TMEM108: variants seen among roughly 807,000 people sequenced by gnomAD.
TMEM108 encodes the protein cancer/testis antigen 124.
A neutral mutation model predicts 35.1 loss-of-function variants in TMEM108; 12 were observed. The observed-to-expected ratio is 0.34, with a 90% confidence interval of 0.22 to 0.55. The LOEUF (loss-of-function observed/expected upper bound fraction) is 0.55, where lower values mean the gene tolerates loss of function less well. TMEM108 is among the 20% of genes least tolerant of loss of function. The probability of loss-of-function intolerance (pLI) is 0.89; values close to 1 mark genes in which losing one functional copy is unlikely to be tolerated. For synonymous variants in TMEM108, 287 were observed against 308.6 expected (o/e 0.93, Z 0.73); for missense variants, 680 against 753.3 (o/e 0.90, Z 1.14).
At chr3:133,348,827 TAGA>T in intron 3 of TMEM108, among the ~76,000 whole-genome samples, 1 of 152,054 alleles carries the variant, frequency 6.6e-6, no homozygotes, top group Non-Finnish European at 1.5e-5. Flanking sequence ...CTACATAGTG[TAGA>T]AGATGAAATT....
rs534869712 is a variant in TMEM108, at chr3:133,309,489, G to A, written c.41-70263G>A. On this transcript the variant is annotated intron_variant, in intron 3 of 5. Coordinates refer to ENST00000321871, the MANE Select transcript of TMEM108 (RefSeq NM_023943.4). ...TTTTAGATCTTTCCTGCTTTCTCTT[G>A]TGTGCTTTTAGTGTTATAAATTTCC... 2.3e-3 allele frequency among the ~76,000 whole-genome samples: 345 copies of A among 152,044 alleles called. 1 individual carries two copies. The highest frequency in any genetic ancestry group is 7.8e-3 in the African/African-American group (323 of 41,472).
At chr3:133,091,415 G>A (rs1204446581) in intron 2 of TMEM108, among the ~76,000 whole-genome samples, 1 of 152,040 alleles carries the variant, frequency 6.6e-6, no homozygotes, top group Non-Finnish European at 1.5e-5. Flanking sequence ...CTAGATCAGT[G>A]GCTTTTATGT....
Position 133,114,346 on chromosome 3 carries a change from T to C in TMEM108, c.-47+68326T>C, listed in dbSNP as rs75528093. 2.3e-4 allele frequency among the ~76,000 whole-genome samples: 35 copies of C among 152,108 alleles called. No homozygotes were observed. In the East Asian group the frequency reaches 6.0e-3, roughly 26 times the overall value. ...TATGGCAAGTAGGAAATGAGGAGAG[T>C]ATATTTTATCCCACATCTCATCTTA... On this transcript the variant is annotated intron_variant, in intron 2 of 5. Coordinates refer to ENST00000321871, the MANE Select transcript of TMEM108 (RefSeq NM_023943.4).
chr3:133,057,174 A>G (rs1004886412), intron 2 of TMEM108, among the ~76,000 whole-genome samples: 1 of 152,022 alleles, frequency 6.6e-6, no homozygotes, highest in African/African-American at 2.4e-5. Flanking sequence ...TGTTCATTCT[A>G]TTTAAAACGT....
chr3:133,310,883 G>A (rs1160118508), intron 3 of TMEM108, among the ~76,000 whole-genome samples: 7 of 152,112 alleles, frequency 4.6e-5, no homozygotes, highest in Admixed American at 4.6e-4. Context: ...TCCATGTTTA[G>A]TGCTTCCTTC....
chr3:133,301,492 A>T (rs1049703274), intron 3 of TMEM108, among the ~76,000 whole-genome samples: 15 of 152,186 alleles, frequency 9.9e-5, no homozygotes, highest in Admixed American at 3.9e-4. Flanking sequence ...ATACTATATT[A>T]TGCCATTTTT....
At chr3:133,152,046 G>A (rs527300461) in intron 2 of TMEM108, among the ~76,000 whole-genome samples, 5 of 152,254 alleles carry the variant, frequency 3.3e-5, no homozygotes, top group South Asian at 4.1e-4. Context: ...TGAGACTTCC[G>A]TTGACCAAAA....
intron 3 of TMEM108, among the ~76,000 whole-genome samples, chr3:133,302,437 T>TTTC (rs1224546384): frequency 6.8e-6 from 1 of 147,046 alleles, no homozygotes; most frequent in Non-Finnish European, 1.5e-5. Context: ...TTTTTTTTTT[T>TTTC]TGAGACAGAA....
Position 133,340,977 on chromosome 3 carries a change from A to G in TMEM108, c.41-38775A>G, listed in dbSNP as rs539865363. ...TATCATACTGAATGGGGAAAAACTAAAAGACTTTCCTCTAAGATCTAGAAC... is the reference window on the plus strand; with the variant it reads ...TATCATACTGAATGGGGAAAAACTAGAAGACTTTCCTCTAAGATCTAGAAC... On this transcript the variant is annotated intron_variant, in intron 3 of 5. Coordinates refer to ENST00000321871, the MANE Select transcript of TMEM108 (RefSeq NM_023943.4). Among the ~76,000 whole-genome samples the G allele has an allele frequency of 6.6e-5, 10 of 151,970 alleles. No individual in the cohort carries two copies. In the South Asian group the frequency reaches 1.7e-3, roughly 25 times the overall value.
At chr3:133,078,383 C>T (rs942722301) in intron 2 of TMEM108, among the ~76,000 whole-genome samples, 11 of 152,058 alleles carry the variant, frequency 7.2e-5, no homozygotes, top group African/African-American at 2.2e-4. Flanking sequence ...AACAACTAGG[C>T]GGTGTCTGAT....
intron 2 of TMEM108, among the ~76,000 whole-genome samples, chr3:133,146,814 C>G (rs759252527): frequency 6.6e-6 from 1 of 152,084 alleles, no homozygotes; most frequent in Non-Finnish European, 1.5e-5. Context: ...GTTGATATCC[C>G]TTTTATCATT....
At chr3:133,039,955 T>TA (rs1943252969) in intron 1 of TMEM108, among the ~76,000 whole-genome samples, 1 of 149,552 alleles carries the variant, frequency 6.7e-6, no homozygotes, top group Admixed American at 6.6e-5. Flanking sequence ...GATAAATATA[T>TA]TTTTTTAAGA....
chr3:133,284,281 T>C (rs899022967), intron 3 of TMEM108, among the ~76,000 whole-genome samples: 1 of 152,236 alleles, frequency 6.6e-6, no homozygotes, highest in African/African-American at 2.4e-5. Flanking sequence ...GGTGGAATCA[T>C]GCTGGATTCT....
Position 133,129,358 on chromosome 3 carries a change from C to G in TMEM108, c.-47+83338C>G, listed in dbSNP as rs931493515. On this transcript the variant is annotated intron_variant, in intron 2 of 5. Transcript: ENST00000321871. ...AGACTCCGCACCCACACCCCCCCCC[C>G]CAAAAAAAAATAAACGAAACACTAA... 7.0e-5 allele frequency among the ~76,000 whole-genome samples: 9 copies of G among 128,916 alleles called. No individual in the cohort carries two copies. In the East Asian group the frequency reaches 1.5e-3, roughly 22 times the overall value. The allele number at this position is 128,916 out of a possible 152,430, so 84.6% of individuals were successfully genotyped here.
chr3:133,282,812 TAAAG>T (rs1415063780), intron 3 of TMEM108, among the ~76,000 whole-genome samples: 1 of 152,168 alleles, frequency 6.6e-6, no homozygotes, highest in Non-Finnish European at 1.5e-5. Flanking sequence ...TAAATGCTCA[TAAAG>T]AAAGAAATTA....
intron 2 of TMEM108, among the ~76,000 whole-genome samples, chr3:133,098,315 G>T (rs990755723): frequency 3.3e-5 from 5 of 152,162 alleles, no homozygotes; most frequent in Admixed American, 1.3e-4. Context: ...ATTCAAGAAA[G>T]TCCGGCCCCC....
rs1386356664 is a variant in TMEM108 at position 133,396,501 on chromosome 3, A to G, written c.*515A>G. ...AGGGAACATCTCATCACCTCTGAGG[A>G]TGAGTACCCTGGAGCCTTATGACGG... On this transcript the variant is annotated 3_prime_UTR_variant, in exon 6 of 6. Coordinates refer to ENST00000321871, the MANE Select transcript of TMEM108 (RefSeq NM_023943.4). The G allele has an allele frequency of 2.6e-5, 4 of 152,248 alleles. No homozygotes were observed. The highest frequency in any genetic ancestry group is 9.7e-5 in the African/African-American group (4 of 41,444). 9.4% of individuals were successfully genotyped at this position (152,248 alleles called of 1,614,324 possible).
chr3:133,328,170 G>T (rs958958976), intron 3 of TMEM108, among the ~76,000 whole-genome samples: 3 of 152,162 alleles, frequency 2.0e-5, no homozygotes, highest in Non-Finnish European at 2.9e-5. Context: ...CCAAATAGGA[G>T]ACTCTTCTGT....
intron 3 of TMEM108, among the ~76,000 whole-genome samples, chr3:133,358,312 C>G (rs1353769228): frequency 6.6e-6 from 1 of 152,100 alleles, no homozygotes; most frequent in African/African-American, 2.4e-5. Flanking sequence ...GCTGGGATTA[C>G]AAGCGCGAAC....
Sources: allele counts gnomAD v4.1 joint callset (sites outside exome capture counted in the v4.1 genomes callset), GRCh38; gene constraint gnomAD v4.1.1; transcripts MANE v1.5; gene names NCBI Gene and HGNC (gene_info 2026-07-23, HGNC 2026-07-21).